Variants in MROH1 observed in about 807,000 individuals in gnomAD.
The protein encoded by MROH1 is maestro heat-like repeat-containing protein family member 1.
MROH1 carries 117 observed loss-of-function variants against 116.5 expected under a neutral mutation model. The observed-to-expected ratio is 1.00, with a 90% CI of 0.86 to 1.17. The LOEUF (loss-of-function observed/expected upper bound fraction) is 1.17. MROH1 is among the 50% of genes most tolerant of loss of function. The pLI is 0.00. For synonymous variants in MROH1, 921 were observed against 583.9 expected, an observed-to-expected ratio of 1.58 and a Z score of -8.32; for missense variants, 1,873 against 1,338.5, an observed-to-expected ratio of 1.40 and a Z score of -6.23.
intron 8 of MROH1, among the ~76,000 whole-genome samples, chr8:144,191,174 A>T (rs113779188): frequency 0.016 from 2,386 of 152,146 alleles, 51 homozygotes; most frequent in African/African-American, 0.053. Flanking sequence ...GCTTCAAGCG[A>T]TTCTCATGCC....
chr8:144,232,186 C>G (rs1167219875), intron 14 of MROH1, among the ~76,000 whole-genome samples: 1 of 152,124 alleles, frequency 6.6e-6, no homozygotes, highest in East Asian at 1.9e-4. Context: ...TAATCAGCCT[C>G]TCTTCATACC....
At chr8:144,218,394 C>T (rs1032355890) in intron 12 of MROH1, among the ~76,000 whole-genome samples, 1 of 152,078 alleles carries the variant, frequency 6.6e-6, no homozygotes, top group African/African-American at 2.4e-5. Context: ...GACTCCTGCA[C>T]CTATTCCAGT....
In MROH1 at chr8:144,247,675, G is replaced by T; in HGVS notation, c.3116G>T (p.Gly1039Val). ...AILFHTCHSV[G>V]QIIAKRLPPD... ...CTCTTCCACACCTGCCACAGTGTAG[G>T]CCAGGTACCAGCTGGGAGCTCTGCG... is the stretch of plus-strand genomic sequence containing the variant. The change falls in exon 31 of 44, where the codon GGC becomes GTC. Residue 1039 changes from glycine to valine, a missense_variant. Gly to Val is a moderately radical substitution (Grantham distance 109). Coordinates refer to ENST00000326134, the MANE Select transcript of MROH1 (RefSeq NM_032450.3). 1.3e-6 allele frequency: 1 copy of T among 765,098 alleles called. No homozygotes were observed. 47.4% of individuals were successfully genotyped at this position (765,098 alleles called of 1,614,324 possible).
chr8:144,254,367 T>G (rs1334061205), intron 33 of MROH1: 2 of 159,704 alleles, frequency 1.3e-5, no homozygotes, highest in Non-Finnish European at 2.7e-5. Flanking sequence ...TGTTCATTTC[T>G]GCAAACGCTG....
chr8:144,246,870 G>A (rs1842005752), intron 29 of MROH1, among the ~76,000 whole-genome samples: 1 of 152,188 alleles, frequency 6.6e-6, no homozygotes, highest in African/African-American at 2.4e-5. Flanking sequence ...AAAGGCTCTG[G>A]AAGGCAGGAC....
At chr8:144,258,083 C>G (rs1424183147) in intron 35 of MROH1, among the ~76,000 whole-genome samples, 1 of 152,220 alleles carries the variant, frequency 6.6e-6, no homozygotes, top group African/African-American at 2.4e-5. Flanking sequence ...ATGGTCGATG[C>G]CAGGCTCAAG....
intron 17 of MROH1, 43 bp downstream of exon 17, chr8:144,239,406 T>C: frequency 1.3e-6 from 1 of 780,434 alleles, no homozygotes; most frequent in East Asian, 2.4e-5. Flanking sequence ...CCCCACTCTG[T>C]GTCCCTGTGC....
intron 28 of MROH1, 148 bp downstream of exon 28, chr8:144,244,687 C>A (rs929429499): frequency 3.0e-6 from 2 of 662,156 alleles, no homozygotes; most frequent in East Asian, 2.7e-5. Flanking sequence ...GGCAGGTGCA[C>A]CCCCTCCCAT....
At chr8:144,170,259 T>A (rs1178875802) in intron 4 of MROH1, among the ~76,000 whole-genome samples, 1 of 152,224 alleles carries the variant, frequency 6.6e-6, no homozygotes, top group Non-Finnish European at 1.5e-5. Context: ...CCCCAGCCAC[T>A]CCATGCTTGT....
At chr8:144,183,663 T>TCCA (rs1826235880) in intron 7 of MROH1, among the ~76,000 whole-genome samples, 1 of 151,500 alleles carries the variant, frequency 6.6e-6, no homozygotes, top group Non-Finnish European at 1.5e-5. Flanking sequence ...TTCTTTTTTT[T>TCCA]TGAGATGGAG....
chr8:144,241,264 A>G lies in MROH1; in HGVS notation c.2056-131A>G, dbSNP rs948511999. ...GCGTATATGCAGAGAGGGTGTGTGC[A>G]TGTGTTGATGTGTGTGCAAGTGTGC... On this transcript the variant is annotated intron_variant, in intron 21 of 43. Transcript: ENST00000326134. 3,348 of 690,476 alleles carry G rather than the reference A, an allele frequency of 4.8e-3. 55 individuals are homozygous for G. Among genetic ancestry groups the G allele is most frequent in the African/African-American group, 0.046 (2,636 of 57,034 alleles). 42.8% of individuals were successfully genotyped at this position (690,476 alleles called of 1,614,324 possible).
chr8:144,239,874 A>C (rs1229338559), intron 18 of MROH1, 119 bp downstream of exon 18: 5 of 678,034 alleles, frequency 7.4e-6, no homozygotes, highest in African/African-American at 1.8e-5. Flanking sequence ...AATGGGGACT[A>C]GGGTTGTATA....
Position 144,163,956 on chromosome 8 carries a change from C to A in MROH1, c.22+108C>A. 2 of 1,230,196 alleles carry A rather than the reference C, an allele frequency of 1.6e-6. No homozygotes were observed. The highest frequency in any genetic ancestry group is 1.2e-6 in the Non-Finnish European group (1 of 865,140). The allele number at this position is 1,230,196 out of a possible 1,614,324, so 76.2% of individuals were successfully genotyped here. A position where few individuals can be genotyped will look rare whatever the true frequency, so the allele number is the denominator to read the frequency against. On this transcript the variant is annotated intron_variant, in intron 3 of 43. Coordinates refer to ENST00000326134, the MANE Select transcript of MROH1 (RefSeq NM_032450.3). This position sits in a 1 kb window ranked among gnomAD's most constrained non-coding sequence, Gnocchi z 4.4. The stretch of plus-strand genomic sequence containing the variant: ...GCTCCAATGGTGCCTAGAGTTTCCA[C>A]CCTATACTCGGGAGCCTGAGTGGGT...
At position 144,200,239 on chromosome 8, in the gene MROH1, C is replaced by T. The variant is rs563642578; in HGVS notation, c.1028-189C>T. Among the ~76,000 whole-genome samples, 5 of 152,280 alleles carry T rather than the reference C, an allele frequency of 3.3e-5. No homozygotes were observed. The South Asian group carries it at 1.0e-3, about 32-fold the overall frequency. On this transcript the variant is annotated intron_variant, in intron 11 of 43. Transcript: ENST00000326134. The stretch of plus-strand genomic sequence containing the variant: ...TGGTGCTGGCGCCGTGGGATAAGGG[C>T]TACATGTGCTCCAACCCTGCCTTAG...
intron 33 of MROH1, among the ~76,000 whole-genome samples, chr8:144,253,225 A>G (rs1007267224): frequency 6.6e-6 from 1 of 152,210 alleles, no homozygotes; most frequent in Non-Finnish European, 1.5e-5. Flanking sequence ...TGGGTTCTAC[A>G]TTCATAAATG....
At chr8:144,256,387 C>T (rs1349104615) in intron 35 of MROH1, among the ~76,000 whole-genome samples, 1 of 142,868 alleles carries the variant, frequency 7.0e-6, no homozygotes, top group Non-Finnish European at 1.5e-5. Context: ...GGGACAGCCT[C>T]ACTTCAGCCC....
chr8:144,149,675 G>A (rs1231968541), intron 1 of MROH1, among the ~76,000 whole-genome samples: 1 of 152,150 alleles, frequency 6.6e-6, no homozygotes, highest in African/African-American at 2.4e-5. Flanking sequence ...TGGTTTCTTT[G>A]GGGTAGGAGC....
chr8:144,186,497 C>T (rs1015890078), intron 7 of MROH1, among the ~76,000 whole-genome samples: 6 of 152,188 alleles, frequency 3.9e-5, no homozygotes, highest in Non-Finnish European at 5.9e-5. Flanking sequence ...CTGCCCTCCC[C>T]GTCCATGCCC....
rs1383499401 is a variant in MROH1, at chr8:144,239,352, G to A, written c.1621G>A (p.Gly541Arg). Residue 541 changes from glycine to arginine, a missense_variant, in exon 17 of 44, where the codon GGA becomes AGA. Physicochemically the swap from Gly to Arg is moderately radical, Grantham distance 125 (BLOSUM62 -2). Coordinates refer to ENST00000326134, the MANE Select transcript of MROH1 (RefSeq NM_032450.3). ...ASLPSPYAVTGRLLVVSSSPY... is the reference protein window; with the variant it reads ...ASLPSPYAVTRRLLVVSSSPY... ...CCTCCCGTCTCCCTATGCTGTAACC[G>A]GAAGACTGTTGGTGAGCCTCGCCCT... The A allele has an allele frequency of 1.2e-5, 9 of 780,354 alleles. No individual in the cohort carries two copies. The highest frequency in any genetic ancestry group is 4.0e-5 in the South Asian group (3 of 74,622). The allele number at this position is 780,354 out of a possible 1,614,324, so 48.3% of individuals were successfully genotyped here.
Sources: allele counts gnomAD v4.1 joint callset (sites outside exome capture counted in the v4.1 genomes callset), GRCh38; gene constraint gnomAD v4.1.1; non-coding constraint Gnocchi (gnomAD v3.1); transcripts MANE v1.5; gene names NCBI Gene and HGNC (gene_info 2026-07-23, HGNC 2026-07-21).